UCKL1: variants seen among roughly 807,000 people sequenced by gnomAD.
UCKL1 encodes uridine-cytidine kinase 1 like 1.
UCKL1 carries 65 observed loss-of-function variants against 59.2 expected under a neutral mutation model. The observed-to-expected ratio is 1.10, with a 90% confidence interval of 0.90 to 1.35. UCKL1 has a LOEUF of 1.35. UCKL1 is among the 40% of genes most tolerant of loss of function. UCKL1 has a pLI of 0.00. For synonymous variants in UCKL1, 410 were observed against 323.1 expected, an observed-to-expected ratio of 1.27 and a Z score of -2.88; for missense variants, 703 against 784.3, an observed-to-expected ratio of 0.90 and a Z score of 1.24.
intron 1 of UCKL1, 39 bp from the exon 2 acceptor site, chr20:63,946,682 C>T (rs758329268): frequency 1.4e-5 from 22 of 1,584,880 alleles, no homozygotes; most frequent in Middle Eastern, 1.8e-4. Flanking sequence ...CCCAGAGCTG[C>T]CCACCTCCCA....
intron 8 of UCKL1, chr20:63,941,422 C>T (rs1231911981): frequency 4.4e-6 from 3 of 688,126 alleles, no homozygotes; most frequent in Non-Finnish European, 4.9e-6. Context: ...CGGCGAACAA[C>T]GGGGCAAGCT....
rs573973745 is a variant in UCKL1, at chr20:63,946,757, G to A, written c.114-114C>T. 2.5e-5 allele frequency: 29 copies of A among 1,152,992 alleles called. No individual in the cohort carries two copies. The South Asian group carries it at 3.4e-4, about 14-fold the overall frequency. 71.4% of individuals were successfully genotyped at this position (1,152,992 alleles called of 1,614,324 possible). A position where few individuals can be genotyped will look rare whatever the true frequency, so the allele number is the denominator to read the frequency against. On this transcript the variant is annotated intron_variant, in intron 1 of 14. Transcript: ENST00000354216. ...CACCCCCTCAACAGGCATGGCTGAG[G>A]CGGGCAGGCTCATTGGGGGTACATA... is the stretch of plus-strand genomic sequence containing the variant.
intron 1 of UCKL1, chr20:63,954,956 A>C (rs1013855562): frequency 2.0e-4 from 31 of 152,244 alleles, no homozygotes; most frequent in African/African-American, 7.0e-4. Context: ...GGTTAAATCA[A>C]AACCTCTTTG....
chr20:63,951,218 T>G, intron 1 of UCKL1: 1 of 995,456 alleles, frequency 1.0e-6, no homozygotes, highest in Non-Finnish European at 1.2e-6. Flanking sequence ...CTGATATTAA[T>G]AGCGCTGGCT....
rs771105809 is a variant in UCKL1 at position 63,944,615 on chromosome 20, CTTG to C, written c.771_773del (p.Asn257del). 23 of 1,613,094 alleles carry C rather than the reference CTTG, an allele frequency of 1.4e-5. No homozygotes were observed. Among genetic ancestry groups the C allele is most frequent in the Admixed American group, 3.3e-5 (2 of 59,974 alleles). ...ACTGGTCGAAGGAGGGCTTGACAAA[CTTG>C]TTGTACTGCTTGATGACACCCTCGA... On this transcript the variant is annotated inframe_deletion, in exon 6 of 15. Transcript: ENST00000354216.
intron 1 of UCKL1, among the ~76,000 whole-genome samples, chr20:63,950,264 G>A (rs1340481770): frequency 2.0e-5 from 3 of 152,116 alleles, no homozygotes; most frequent in South Asian, 4.1e-4. Context: ...CTCACCCCAC[G>A]GTTCACAAGC....
At chr20:63,947,999 TG>T (rs3838940) in intron 1 of UCKL1, among the ~76,000 whole-genome samples, 3,922 of 150,912 alleles carry the variant, frequency 0.026, 120 homozygotes, top group South Asian at 0.16. Context: ...GCTGGGGGGT[TG>T]GGGGGGCATC....
At chr20:63,947,048 T>C (rs2056434434) in intron 1 of UCKL1, among the ~76,000 whole-genome samples, 1 of 150,662 alleles carries the variant, frequency 6.6e-6, no homozygotes, top group Non-Finnish European at 1.5e-5. Context: ...GCCACTGCAC[T>C]CCAGTCTGGG....
Position 63,940,480 on chromosome 20 carries a change from G to A in UCKL1, c.1308C>T (p.His436=). The part of the protein sequence containing the change: ...TNQLTGEPEL[H]YLRLPKDISD... Reference sequence around the variant, plus strand: ...TGATGTCCTTGGGCAGCCTCAGGTAGTGGAGCTGCGGGCAGCAGGGGTCAG... The same window carrying A: ...TGATGTCCTTGGGCAGCCTCAGGTAATGGAGCTGCGGGCAGCAGGGGTCAG... Residue 436 remains histidine (H), a synonymous_variant, in exon 13 of 15, where the codon CAC becomes CAT. Transcript: ENST00000354216. The A allele has an allele frequency of 6.2e-7, 1 of 1,611,118 alleles. No homozygotes were observed. The highest frequency in any genetic ancestry group is 8.5e-7 in the Non-Finnish European group (1 of 1,179,488).
At chr20:63,942,606 G>A (rs763063012) in intron 8 of UCKL1, 2 of 669,702 alleles carry the variant, frequency 3.0e-6, no homozygotes, top group Non-Finnish European at 4.6e-6. Flanking sequence ...GGCGTTCCCC[G>A]CAGGCCTGAG....
intron 5 of UCKL1, 101 bp from the exon 6 acceptor site, chr20:63,944,835 G>A: frequency 1.4e-6 from 2 of 1,434,478 alleles, no homozygotes; most frequent in Non-Finnish European, 1.9e-6. Context: ...CGTGGGCCTG[G>A]CCAGAGCCAC....
In UCKL1 at chr20:63,945,531, G is replaced by C. The variant is rs116538993; in HGVS notation, c.654+120C>G. Reference sequence around the variant, plus strand: ...GGGGTTGGGGTTGGGGTAGGGAGTGGCTGGCCTAGGCCTATACAGTGTGGA... The same window carrying C: ...GGGGTTGGGGTTGGGGTAGGGAGTGCCTGGCCTAGGCCTATACAGTGTGGA... On this transcript the variant is annotated intron_variant, in intron 5 of 14. Transcript: ENST00000354216. 8.7e-4 allele frequency: 879 copies of C among 1,009,538 alleles called. 8 individuals are homozygous for C. The African/African-American group carries it at 0.013, about 15-fold the overall frequency. 62.5% of individuals were successfully genotyped at this position (1,009,538 alleles called of 1,614,324 possible).
intron 8 of UCKL1, 88 bp from the exon 9 acceptor site, chr20:63,941,296 G>C: frequency 4.1e-6 from 6 of 1,456,660 alleles, no homozygotes; most frequent in Middle Eastern, 2.1e-4. Context: ...GTCACTGTGA[G>C]GGGAACACAC....
chr20:63,941,678 G>C (rs1600985104), intron 8 of UCKL1: 2 of 214,954 alleles, frequency 9.3e-6, no homozygotes, highest in South Asian at 1.2e-4. Flanking sequence ...AGAGGGGGGT[G>C]GGGGGCAAAG....
At chr20:63,943,091 G>A (rs1272357357) in intron 8 of UCKL1, among the ~76,000 whole-genome samples, 2 of 152,254 alleles carry the variant, frequency 1.3e-5, no homozygotes, top group African/African-American at 4.8e-5. Context: ...GAGGGACAGT[G>A]GGATGCGGCC....
intron 7 of UCKL1, 67 bp downstream of exon 7, chr20:63,944,329 GT>G: frequency 7.0e-7 from 1 of 1,427,828 alleles, no homozygotes; most frequent in Non-Finnish European, 9.5e-7. Context: ...GCCACTGGGG[GT>G]GGTGGCAGCG....
At chr20:63,947,594 C>T (rs1167429387) in intron 1 of UCKL1, among the ~76,000 whole-genome samples, 1 of 152,258 alleles carries the variant, frequency 6.6e-6, no homozygotes, top group Admixed American at 6.5e-5. Flanking sequence ...TCGGCCTGGC[C>T]TCTCTGGCTG....
At position 63,940,060 on chromosome 20, in the gene UCKL1, A is replaced by C. The variant is rs1227149392; in HGVS notation, c.1568-5T>G. The C allele has an allele frequency of 1.0e-6, 1 of 968,006 alleles. No homozygotes were observed. Among genetic ancestry groups the C allele is most frequent in the South Asian group, 1.3e-5 (1 of 77,432 alleles). The allele number at this position is 968,006 out of a possible 1,614,324, so 60.0% of individuals were successfully genotyped here. A position where few individuals can be genotyped will look rare whatever the true frequency, so the allele number is the denominator to read the frequency against. ...AGTAGCGGTCGCCAAAGTTCCCTGG[A>C]AAAAGGGGGGGGGGGGTCCAGTGTG... On this transcript the variant is annotated splice_polypyrimidine_tract_variant and splice_region_variant and intron_variant, in intron 14 of 14. Transcript: ENST00000354216.
At chr20:63,946,422 G>A (rs1297899427) in intron 2 of UCKL1, 31 bp downstream of exon 2, 4 of 1,519,816 alleles carry the variant, frequency 2.6e-6, no homozygotes, top group South Asian at 2.5e-5. Context: ...CAGGCGTCCG[G>A]CAGCAGGTCC....
Sources: gnomAD v4.1 joint callset for allele counts (sites outside exome capture counted in the v4.1 genomes callset) on GRCh38, gnomAD v4.1.1 for gene constraint, MANE v1.5 for transcripts, NCBI Gene and HGNC (gene_info 2026-07-23, HGNC 2026-07-21) for gene names.